The following USP34 variants were observed in gnomAD, a reference collection of about 807,000 sequenced individuals.
USP34 encodes ubiquitin specific peptidase 34.
Under a neutral mutation model 460.3 loss-of-function variants are expected in USP34, and 70 were observed. The observed-to-expected ratio is 0.15, with a 90% CI of 0.13 to 0.19. USP34 has a LOEUF of 0.19. USP34 is among the 10% of genes least tolerant of loss of function. USP34 has a pLI of 1.00. For synonymous variants in USP34, 1,647 were observed against 1,405.3 expected (o/e 1.17, Z -3.85); for missense variants, 3,985 against 4,236.2 (o/e 0.94, Z 1.65).
chr2:61,316,668 T>C (rs548028089), intron 23 of USP34, among the ~76,000 whole-genome samples: 10 of 152,200 alleles, frequency 6.6e-5, no homozygotes, highest in African/African-American at 2.4e-4. Context: ...GTGGATCACC[T>C]GACGTCAGGA....
At chr2:61,467,622 T>G (rs1039388646) in intron 1 of USP34, among the ~76,000 whole-genome samples, 65 of 142,734 alleles carry the variant, frequency 4.6e-4, no homozygotes, top group Non-Finnish European at 8.4e-4. Context: ...ACTTTGTTTT[T>G]TTTTTTTTTT....
intron 14 of USP34, 54 bp downstream of exon 14, chr2:61,348,702 A>C: frequency 6.4e-7 from 1 of 1,571,244 alleles, no homozygotes; most frequent in Non-Finnish European, 8.6e-7. Flanking sequence ...TCAAATGATA[A>C]ACACGCCAGA....
chr2:61,379,753 C>T (rs1183199104), intron 7 of USP34, among the ~76,000 whole-genome samples: 1 of 152,198 alleles, frequency 6.6e-6, no homozygotes, highest in African/African-American at 2.4e-5. Flanking sequence ...TATTTAAAAA[C>T]AGTATTTAAG....
chr2:61,286,197 C>T (rs1331552709), intron 34 of USP34, among the ~76,000 whole-genome samples: 1 of 152,116 alleles, frequency 6.6e-6, no homozygotes, highest in Non-Finnish European at 1.5e-5. Flanking sequence ...TAGTGTTCTT[C>T]CTTACTACCT....
intron 1 of USP34, among the ~76,000 whole-genome samples, chr2:61,447,562 C>A (rs1400989412): frequency 6.6e-6 from 1 of 152,148 alleles, no homozygotes; most frequent in Admixed American, 6.5e-5. Flanking sequence ...TAGCTCAGCT[C>A]ACAACTCAAA....
chr2:61,453,028 T>TA lies in USP34; in HGVS notation c.43+17621_43+17622insT, dbSNP rs1553394431. ...CTTAAAAATAGAATATCTAATATTT[T>TA]TAAAAAAAAAGGCACTCTCATATAA... On this transcript the variant is annotated intron_variant, in intron 1 of 79. Transcript: ENST00000398571. 2.3e-3 allele frequency among the ~76,000 whole-genome samples: 342 copies of TA among 151,780 alleles called. 1 individual carries two copies. The highest frequency in any genetic ancestry group is 7.5e-3 in the African/African-American group (310 of 41,336).
chr2:61,447,184 G>C (rs1359843446), intron 1 of USP34, among the ~76,000 whole-genome samples: 1 of 137,992 alleles, frequency 7.2e-6, no homozygotes, highest in Non-Finnish European at 1.5e-5. Context: ...GAACCCAGAA[G>C]GCAGAGGTTG....
intron 10 of USP34, among the ~76,000 whole-genome samples, chr2:61,354,081 A>C (rs1037135586): frequency 1.3e-5 from 2 of 152,198 alleles, no homozygotes; most frequent in African/African-American, 4.8e-5. Context: ...AGAAAAATGG[A>C]AAGACAGAAT....
At chr2:61,259,656 AATT>A in intron 44 of USP34, 52 bp downstream of exon 44, 1 of 1,556,716 alleles carries the variant, frequency 6.4e-7, no homozygotes, top group Non-Finnish European at 8.8e-7. Flanking sequence ...AAAATGCTAT[AATT>A]ACAGGCATGA....
Position 61,190,477 on chromosome 2 carries a change from T to C in USP34, c.9729+41A>G, listed in dbSNP as rs978707405. The C allele has an allele frequency of 3.1e-6, 5 of 1,605,248 alleles. No individual in the cohort carries two copies. The Admixed American group carries it at 5.2e-5, about 17-fold the overall frequency. ...GCATAATGAAACCACAAGCATTAAC[T>C]AATTAGAAATGACACACTGAGTTTC... is the stretch of plus-strand genomic sequence containing the variant. On this transcript the variant is annotated intron_variant, in intron 77 of 79. Coordinates refer to ENST00000398571, the MANE Select transcript of USP34 (RefSeq NM_014709.4).
chr2:61,307,274 T>C (rs188526368), intron 27 of USP34, among the ~76,000 whole-genome samples: 2 of 130,704 alleles, frequency 1.5e-5, no homozygotes, highest in East Asian at 2.4e-4. Flanking sequence ...ATGAGAACAC[T>C]TGGACACAAG....
chr2:61,235,328 CTTT>C (rs10537200), intron 57 of USP34, among the ~76,000 whole-genome samples: 73 of 123,386 alleles, frequency 5.9e-4, no homozygotes, highest in East Asian at 1.9e-3. Context: ...ATTTTTTTTT[CTTT>C]TTTTTTTTTT....
intron 65 of USP34, 21 bp downstream of exon 65, chr2:61,222,598 A>T: frequency 4.4e-6 from 7 of 1,603,352 alleles, no homozygotes; most frequent in Non-Finnish European, 6.0e-6. Flanking sequence ...TAAAAACATA[A>T]ATTAACAAAT....
intron 15 of USP34, among the ~76,000 whole-genome samples, chr2:61,347,518 C>A (rs1316246552): frequency 6.6e-6 from 1 of 152,032 alleles, no homozygotes; most frequent in South Asian, 2.1e-4. Flanking sequence ...GGATTACAGG[C>A]GTGCACCACC....
intron 3 of USP34, among the ~76,000 whole-genome samples, chr2:61,404,347 A>G (rs2103930588): frequency 6.6e-6 from 1 of 152,336 alleles, no homozygotes; most frequent in East Asian, 1.9e-4. Context: ...GAAACAATGT[A>G]TAAGATATAA....
In USP34 at chr2:61,266,063, A is replaced by T; in HGVS notation, c.5538T>A (p.Asp1846Glu). 6.2e-7 allele frequency: 1 copy of T among 1,613,942 alleles called. No homozygotes were observed. The highest frequency in any genetic ancestry group is 8.5e-7 in the Non-Finnish European group (1 of 1,179,880). ...ACCCCTTTACCATCTCTACTAACAA[A>T]TCGTAAGCGGCAGCTCTTGAAGAAT... ...KSHSSRAAAY[D>E]LLVEMVKGSV... is the part of the protein sequence containing the mutation. Residue 1846 changes from aspartate (D) to glutamate (E), a missense_variant, in exon 42 of 80, where the codon GAT becomes GAA. By Grantham distance (45) the Asp-to-Glu change is conservative (BLOSUM62 2). This residue lies in a region of USP34 where 1,114 missense variants were observed against 1,122.5 expected (regional missense o/e 0.99). Transcript: ENST00000398571.
chr2:61,242,931 C>G (rs1688310711), intron 51 of USP34, among the ~76,000 whole-genome samples: 1 of 151,974 alleles, frequency 6.6e-6, no homozygotes, highest in Non-Finnish European at 1.5e-5. Context: ...ACTGCAATCT[C>G]CGCCTGGTTC....
At chr2:61,428,808 G>C (rs560259484) in intron 1 of USP34, among the ~76,000 whole-genome samples, 2 of 152,284 alleles carry the variant, frequency 1.3e-5, no homozygotes, top group South Asian at 4.1e-4. Context: ...CCTAGGAAGT[G>C]AGGTTTGAAA....
intron 41 of USP34, among the ~76,000 whole-genome samples, chr2:61,275,818 T>A (rs1326398449): frequency 6.6e-6 from 1 of 152,166 alleles, no homozygotes; most frequent in Non-Finnish European, 1.5e-5. Flanking sequence ...CTCAGTTTCA[T>A]CATCTGTCAA....
Sources: gnomAD v4.1 joint callset for allele counts (sites outside exome capture counted in the v4.1 genomes callset) on GRCh38, gnomAD v4.1.1 for gene constraint, gnomAD v4.1.1 regional missense constraint, MANE v1.5 for transcripts, NCBI Gene and HGNC (gene_info 2026-07-23, HGNC 2026-07-21) for gene names.